TUBD1: variants seen among roughly 807,000 people sequenced by gnomAD.
TUBD1 encodes the protein tubulin delta 1, also known as tubulin delta chain.
A neutral mutation model predicts 51.2 loss-of-function variants in TUBD1; 38 were observed. That is an observed-to-expected ratio of 0.74 (90% confidence interval 0.57 to 0.97). The LOEUF (loss-of-function observed/expected upper bound fraction) is 0.97, where lower values mean the gene tolerates loss of function less well. Ranked by LOEUF, TUBD1 falls within the 50% of genes least tolerant of loss-of-function variation. TUBD1 has a pLI of 0.00. For synonymous variants in TUBD1, 169 were observed against 178.2 expected (o/e 0.95, Z 0.41); for missense variants, 489 against 538.4 (o/e 0.91, Z 0.91).
Position 59,872,694 on chromosome 17 carries a change from ATGTG to A in TUBD1, c.934+1841_934+1844del, listed in dbSNP as rs60720420. On this transcript the variant is annotated intron_variant, in intron 6 of 8. Transcript: ENST00000325752. ...TGTCAGTATATATATGAAAATGGGA[ATGTG>A]TGTGTGTGTGTGTGTGTGTGTGTGT... Among the ~76,000 whole-genome samples, 702 of 142,710 alleles carry A rather than the reference ATGTG, an allele frequency of 4.9e-3. 4 individuals carry two copies. Among genetic ancestry groups the A allele is most frequent in the Middle Eastern group, 0.014 (4 of 282 alleles). 93.6% of individuals were successfully genotyped at this position (142,710 alleles called of 152,430 possible).
intron 2 of TUBD1, among the ~76,000 whole-genome samples, chr17:59,889,077 G>A (rs2040865553): frequency 7.3e-6 from 1 of 136,838 alleles, no homozygotes; most frequent in Non-Finnish European, 1.5e-5. Flanking sequence ...GTGCAGTGGC[G>A]AGATCTCGGC....
In TUBD1 at chr17:59,878,367, A is replaced by C. The variant is rs564558993; in HGVS notation, c.538-33T>G. ...GGAAAAGGTCAGAAAAAAGAAAGGT[A>C]GGAGAGAATAATGGTTAAGATTACA... On this transcript the variant is annotated intron_variant, in intron 4 of 8. Coordinates refer to ENST00000325752, the MANE Select transcript of TUBD1 (RefSeq NM_016261.4). 1,399 of 1,485,586 alleles carry C rather than the reference A, an allele frequency of 9.4e-4. 15 individuals are homozygous for C. In the South Asian group the frequency reaches 0.015, roughly 16 times the overall value. The allele number at this position is 1,485,586 out of a possible 1,614,324, so 92.0% of individuals were successfully genotyped here.
chr17:59,889,010 CTTTT>C (rs756097623), intron 2 of TUBD1, among the ~76,000 whole-genome samples: 3 of 55,778 alleles, frequency 5.4e-5, no homozygotes, highest in South Asian at 1.3e-3. Flanking sequence ...CCATGCCTGG[CTTTT>C]TTTTTTTTTT....
chr17:59,861,718 A>G (rs549043181), intron 8 of TUBD1, among the ~76,000 whole-genome samples: 1 of 151,644 alleles, frequency 6.6e-6, no homozygotes, highest in South Asian at 2.1e-4. Context: ...CCTGGGCTGG[A>G]GTGCAGTGGC....
At chr17:59,876,524 T>C (rs1191275441) in intron 5 of TUBD1, among the ~76,000 whole-genome samples, 1 of 151,910 alleles carries the variant, frequency 6.6e-6, no homozygotes, top group Non-Finnish European at 1.5e-5. Context: ...CTGGCTAATT[T>C]TGTATTTTTT....
intron 8 of TUBD1, among the ~76,000 whole-genome samples, chr17:59,860,692 T>C (rs1003369738): frequency 2.0e-5 from 3 of 151,864 alleles, no homozygotes; most frequent in Admixed American, 2.0e-4. Flanking sequence ...GTTCAAGCGA[T>C]TCGACTACCT....
At chr17:59,869,866 A>G (rs1016109600) in intron 6 of TUBD1, among the ~76,000 whole-genome samples, 1 of 152,156 alleles carries the variant, frequency 6.6e-6, no homozygotes, top group Admixed American at 6.6e-5. Context: ...GACTGAGCAT[A>G]TCAGTTTCCT....
At chr17:59,864,884 A>C (rs890366086) in intron 7 of TUBD1, among the ~76,000 whole-genome samples, 12 of 151,278 alleles carry the variant, frequency 7.9e-5, no homozygotes, top group Non-Finnish European at 1.3e-4. Flanking sequence ...AATGGATCTC[A>C]CTCTTGTCGC....
At chr17:59,867,939 A>G (rs1282580408) in intron 6 of TUBD1, among the ~76,000 whole-genome samples, 1 of 151,730 alleles carries the variant, frequency 6.6e-6, no homozygotes, top group Non-Finnish European at 1.5e-5. Context: ...AGGATGTTGC[A>G]GAAATAACAT....
Position 59,890,908 on chromosome 17 carries a change from C to G in TUBD1, c.95G>C (p.Gly32Ala). The G allele has an allele frequency of 3.1e-6, 5 of 1,613,942 alleles. No individual in the cohort carries two copies. The highest frequency in any genetic ancestry group is 4.2e-6 in the Non-Finnish European group (5 of 1,179,988). ...CTCATTCTCTCTCATAGAGCAGAGT[C>G]CCTGGGAACTGTGTGAGTCACTAAG... Reference protein sequence around the residue: ...ALLSDSHSSQGLCSMRENEAY... With the variant: ...ALLSDSHSSQALCSMRENEAY... Residue 32 changes from glycine (G) to alanine (A), a missense_variant, in exon 2 of 9, where the codon GGA (glycine) becomes GCA (alanine). Transcript: ENST00000325752.
intron 3 of TUBD1, chr17:59,885,305 G>A: frequency 1.6e-6 from 1 of 615,108 alleles, no homozygotes; most frequent in South Asian, 1.6e-5. Flanking sequence ...AGATTGAACT[G>A]GGGTGAACCG....
chr17:59,861,554 C>A (rs2039446255), intron 8 of TUBD1, among the ~76,000 whole-genome samples: 2 of 152,090 alleles, frequency 1.3e-5, no homozygotes, highest in Admixed American at 6.6e-5. Context: ...ATATCAAGGG[C>A]AGACATGAAT....
intron 6 of TUBD1, among the ~76,000 whole-genome samples, chr17:59,871,939 G>A (rs2039998679): frequency 6.6e-6 from 1 of 150,746 alleles, no homozygotes; most frequent in South Asian, 2.1e-4. Context: ...AGGACTACAG[G>A]TGCATACCAC....
At chr17:59,891,319 T>TG (rs1340997817) in intron 1 of TUBD1, among the ~76,000 whole-genome samples, 2 of 151,784 alleles carry the variant, frequency 1.3e-5, no homozygotes, top group African/African-American at 4.8e-5. Flanking sequence ...TTAGTAGAGA[T>TG]GGGGTTTCAC....
chr17:59,866,737 T>C lies in TUBD1; in HGVS notation c.947A>G (p.His316Arg). The C allele has an allele frequency of 6.2e-7, 1 of 1,612,244 alleles. No individual in the cohort carries two copies. Among genetic ancestry groups the C allele is most frequent in the Non-Finnish European group, 8.5e-7 (1 of 1,179,506 alleles). ...AAGTCCTGATAAAGGAGGCCATACATGCCTATCAATACCTACCAAAAGAAA... is the reference window on the plus strand; with the variant it reads ...AAGTCCTGATAAAGGAGGCCATACACGCCTATCAATACCTACCAAAAGAAA... ...NAKMEEGIDRHVWPPLSGLPP... is the reference protein window; with the variant it reads ...NAKMEEGIDRRVWPPLSGLPP... The change falls in exon 7 of 9, where the codon CAT (histidine) becomes CGT (arginine). Residue 316 changes from histidine (H) to arginine (R), a missense_variant. By Grantham distance (29) the His-to-Arg change is conservative. Coordinates refer to ENST00000325752, the MANE Select transcript of TUBD1 (RefSeq NM_016261.4).
intron 3 of TUBD1, chr17:59,885,051 T>C (rs1056501972): frequency 1.7e-5 from 6 of 344,154 alleles, no homozygotes; most frequent in African/African-American, 1.1e-4. Flanking sequence ...GGGAGTCCAG[T>C]GGATGCAAAG....
intron 6 of TUBD1, among the ~76,000 whole-genome samples, chr17:59,867,714 TG>T (rs1366286732): frequency 2.6e-5 from 4 of 151,878 alleles, no homozygotes; most frequent in Non-Finnish European, 5.9e-5. Flanking sequence ...ATGCTGCTTT[TG>T]GAGGATAAGA....
At chr17:59,878,772 CCCAA>C (rs2040345028) in intron 4 of TUBD1, 1 of 162,218 alleles carries the variant, frequency 6.2e-6, no homozygotes, top group African/African-American at 2.4e-5. Flanking sequence ...AGCCACCGAG[CCCAA>C]CCAGTTTCCT....
intron 6 of TUBD1, among the ~76,000 whole-genome samples, chr17:59,871,089 T>C (rs775888772): frequency 6.6e-6 from 1 of 152,224 alleles, no homozygotes; most frequent in East Asian, 1.9e-4. Flanking sequence ...AGTGAGAAGA[T>C]GATAGAGCAA....
Sources: gnomAD v4.1 joint callset for allele counts (sites outside exome capture counted in the v4.1 genomes callset) on GRCh38, gnomAD v4.1.1 for gene constraint, MANE v1.5 for transcripts, NCBI Gene and HGNC (gene_info 2026-07-23, HGNC 2026-07-21) for gene names.